The following ISM1 variants were observed in gnomAD, a reference collection of about 807,000 sequenced individuals.
The protein encoded by ISM1 is isthmin 1.
ISM1 carries 25 observed loss-of-function variants against 46.3 expected under a neutral mutation model. The observed-to-expected ratio is 0.54, with a 90% CI of 0.39 to 0.75. The LOEUF (loss-of-function observed/expected upper bound fraction) is 0.75. Ranked by LOEUF, ISM1 falls within the 30% of genes least tolerant of loss-of-function variation. ISM1 has a pLI of 0.00. For missense variants in ISM1, 536 were observed against 625.4 expected (o/e 0.86, Z 1.52); for synonymous variants, 255 against 256.7 (o/e 0.99, Z 0.06).
chr20:13,322,586 T>C, the ISM1 span, among the ~76,000 whole-genome samples: 3 of 152,250 alleles, frequency 2.0e-5, no homozygotes, highest in African/African-American at 7.2e-5. Flanking sequence ...CGTGCTCTAT[T>C]TTCTCAGGAT....
At chr20:13,324,897 C>T in the ISM1 span, among the ~76,000 whole-genome samples, 2 of 152,206 alleles carry the variant, frequency 1.3e-5, no homozygotes, top group African/African-American at 4.8e-5. Flanking sequence ...AAGAGACTTG[C>T]TCATGCAGCT....
rs376403685 is a variant in ISM1 at position 13,279,730 on chromosome 20, C to A, written c.475C>A (p.Arg159=). 6 of 1,613,904 alleles carry A rather than the reference C, an allele frequency of 3.7e-6. No homozygotes were observed. Among genetic ancestry groups the A allele is most frequent in the African/African-American group, 1.3e-5 (1 of 74,942 alleles). ...CTGGTCAGTCCCATCCCCCGACTGGCGGGCCTGGTGGCAGAGGTCCCTGTC... is the reference window on the plus strand; with the variant it reads ...CTGGTCAGTCCCATCCCCCGACTGGAGGGCCTGGTGGCAGAGGTCCCTGTC... ...PSWSVPSPDW[R]AWWQRSLSLA... is the part of the protein sequence containing the mutation. Residue 159 remains arginine (R), a synonymous_variant, in exon 3 of 6, where the codon CGG becomes AGG. Transcript: ENST00000262487.
At chr20:13,269,505 C>T (rs1163514619) in intron 1 of ISM1, among the ~76,000 whole-genome samples, 2 of 152,082 alleles carry the variant, frequency 1.3e-5, no homozygotes, top group East Asian at 3.9e-4. Context: ...ATGGTTCTTC[C>T]CTCCTTCTCT....
At chr20:13,269,167 C>T (rs1206391070) in intron 1 of ISM1, among the ~76,000 whole-genome samples, 1 of 152,128 alleles carries the variant, frequency 6.6e-6, no homozygotes, top group Non-Finnish European at 1.5e-5. Flanking sequence ...CCAAGAAAAA[C>T]AAGAACATTA....
At chr20:13,279,227 T>G (rs1039997152) in intron 2 of ISM1, among the ~76,000 whole-genome samples, 17 of 152,324 alleles carry the variant, frequency 1.1e-4, no homozygotes, top group African/African-American at 3.6e-4. Flanking sequence ...ATTATTCTGG[T>G]ATCACTTCAG....
At chr20:13,254,691 G>A (rs1414734384) in intron 1 of ISM1, among the ~76,000 whole-genome samples, 2 of 152,194 alleles carry the variant, frequency 1.3e-5, no homozygotes, top group African/African-American at 2.4e-5. Flanking sequence ...GCAGATGACT[G>A]TGCCATCCTG....
At chr20:13,275,589 C>A (rs2040170292) in intron 2 of ISM1, among the ~76,000 whole-genome samples, 1 of 152,144 alleles carries the variant, frequency 6.6e-6, no homozygotes, top group African/African-American at 2.4e-5. Context: ...TGTCTTTGTG[C>A]CTCAGTTTCC....
intron 4 of ISM1, among the ~76,000 whole-genome samples, chr20:13,290,566 A>G (rs931823641): frequency 2.0e-5 from 3 of 152,066 alleles, no homozygotes; most frequent in African/African-American, 4.8e-5. Flanking sequence ...GGAGAATGGC[A>G]GGAACCCGGG....
chr20:13,316,391 C>T, the ISM1 span, among the ~76,000 whole-genome samples: 5 of 152,006 alleles, frequency 3.3e-5, no homozygotes, highest in South Asian at 8.3e-4. Context: ...CAATTCTCTA[C>T]AATATCTTTC....
chr20:13,312,561 A>C, the ISM1 span, among the ~76,000 whole-genome samples: 1 of 152,166 alleles, frequency 6.6e-6, no homozygotes, highest in Non-Finnish European at 1.5e-5. Flanking sequence ...GGAGGCCTCA[A>C]ACAAGTTTCA....
chr20:13,223,719 G>A lies in ISM1; in HGVS notation c.138+1805G>A, dbSNP rs2039479846. ...TGACAGACTGAGGGAATTTCTATGCGGAAGTTGAAGATGCCACCATCCTAT... is the reference window on the plus strand; with the variant it reads ...TGACAGACTGAGGGAATTTCTATGCAGAAGTTGAAGATGCCACCATCCTAT... On this transcript the variant is annotated intron_variant, in intron 1 of 5. Transcript: ENST00000262487. Among the ~76,000 whole-genome samples the A allele has an allele frequency of 2.0e-5, 3 of 152,150 alleles. No individual in the cohort carries two copies. The South Asian group carries it at 6.2e-4, about 32-fold the overall frequency.
intron 1 of ISM1, among the ~76,000 whole-genome samples, chr20:13,248,666 G>A (rs147692722): frequency 1.2e-4 from 18 of 152,110 alleles, no homozygotes; most frequent in African/African-American, 3.9e-4. Flanking sequence ...ACTTCTTTTC[G>A]TCTCCTTCAT....
chr20:13,326,511 C>A, the ISM1 span, among the ~76,000 whole-genome samples: 1 of 146,944 alleles, frequency 6.8e-6, no homozygotes. Context: ...TGCTACACAT[C>A]CTCACCAACA....
rs2039443617 is a variant in ISM1, at chr20:13,221,349, C to G, written c.-428C>G. Among the ~76,000 whole-genome samples, 1 of 148,170 alleles carries G rather than the reference C, an allele frequency of 6.7e-6. No homozygotes were observed. Among genetic ancestry groups the G allele is most frequent in the South Asian group, 2.1e-4 (1 of 4,740 alleles). ...GCGCCGCGGCCACATCTGGGGCGCC[C>G]ATGTGCGCTCGGGGGCTCGGCTGCG... On this transcript the variant is annotated 5_prime_UTR_variant, in exon 1 of 6. Coordinates refer to ENST00000262487, the MANE Select transcript of ISM1 (RefSeq NM_080826.2).
rs372727211 is a variant in ISM1, at chr20:13,270,558, A to G, written c.193A>G (p.Lys65Glu). Residue 65 changes from lysine to glutamate, a missense_variant, in exon 2 of 6, where the codon AAA (lysine) becomes GAA (glutamate). Around this residue, in one of 2 missense-constraint regions of ISM1, gnomAD observed 367 missense variants for 376.1 expected, o/e 0.98. Transcript: ENST00000262487. ...ATCAGAAACCAGCTTTTCTCTCTCC[A>G]AAGAAGCACCAAGGGAGCATCTGGA... The part of the protein sequence containing the change: ...TTSETSFSLS[K>E]EAPREHLDHQ... 5 of 1,613,906 alleles carry G rather than the reference A, an allele frequency of 3.1e-6. No individual in the cohort carries two copies. The African/African-American group carries it at 6.7e-5, about 22-fold the overall frequency.
At position 13,298,847 on chromosome 20, in the gene ISM1, C is replaced by G; in HGVS notation, c.878-95C>G. 7 of 1,277,042 alleles carry G rather than the reference C, an allele frequency of 5.5e-6. 1 individual carries two copies. The South Asian group carries it at 8.6e-5, about 16-fold the overall frequency. The allele number at this position is 1,277,042 out of a possible 1,614,324, so 79.1% of individuals were successfully genotyped here. ...GTTGACTTTAGTGTCCTCCTGCGGG[C>G]CCTCAGGAGCAGCCTGGTGTCACAT... On this transcript the variant is annotated intron_variant, in intron 5 of 5. Coordinates refer to ENST00000262487, the MANE Select transcript of ISM1 (RefSeq NM_080826.2).
At chr20:13,270,055 G>A (rs562134746) in intron 1 of ISM1, among the ~76,000 whole-genome samples, 1 of 152,118 alleles carries the variant, frequency 6.6e-6, no homozygotes, top group Non-Finnish European at 1.5e-5. Flanking sequence ...TATGGCCCAA[G>A]AACTATATCC....
Position 13,224,604 on chromosome 20 carries a change from G to A in ISM1, c.138+2690G>A, listed in dbSNP as rs908125775. 2.0e-5 allele frequency among the ~76,000 whole-genome samples: 3 copies of A among 151,984 alleles called. No individual in the cohort carries two copies. The South Asian group carries it at 6.2e-4, about 32-fold the overall frequency. Reference sequence around the variant, plus strand: ...TCATTTTTATTGTTTTTATCTCTGTGTACAACCTTCTAAAATATAAGGTTG... The same window carrying A: ...TCATTTTTATTGTTTTTATCTCTGTATACAACCTTCTAAAATATAAGGTTG... On this transcript the variant is annotated intron_variant, in intron 1 of 5. Coordinates refer to ENST00000262487, the MANE Select transcript of ISM1 (RefSeq NM_080826.2).
intron 1 of ISM1, among the ~76,000 whole-genome samples, chr20:13,226,129 A>G (rs1379276577): frequency 6.6e-6 from 1 of 152,170 alleles, no homozygotes; most frequent in African/African-American, 2.4e-5. Context: ...ATAACATTAA[A>G]GCAAACCAAA....
Sources: gnomAD v4.1 joint callset for allele counts (sites outside exome capture counted in the v4.1 genomes callset) on GRCh38, gnomAD v4.1.1 for gene constraint, gnomAD v4.1.1 regional missense constraint, MANE v1.5 for transcripts, NCBI Gene and HGNC (gene_info 2026-07-23, HGNC 2026-07-21) for gene names.